CPB1: variants seen among roughly 807,000 people sequenced by gnomAD.
CPB1 encodes carboxypeptidase B1, also known as carboxypeptidase B.
Under a neutral mutation model 51.4 loss-of-function variants are expected in CPB1, and 53 were observed. That is an observed-to-expected ratio of 1.03 (90% CI 0.83 to 1.30). The LOEUF is 1.30. Ranked by LOEUF, CPB1 falls within the 50% of genes most tolerant of loss-of-function variation. CPB1 has a pLI of 0.00. For missense variants in CPB1, 494 were observed against 516.2 expected (o/e 0.96, Z 0.42); for synonymous variants, 189 against 186.9 (o/e 1.01, Z -0.09).
intron 3 of CPB1, among the ~76,000 whole-genome samples, chr3:148,840,447 G>T (rs1713040142): frequency 6.6e-6 from 1 of 152,180 alleles, no homozygotes; most frequent in African/African-American, 2.4e-5. Flanking sequence ...GGCTGTGGAA[G>T]ATCCTACCTT....
intron 6 of CPB1, 147 bp from the exon 7 acceptor site, chr3:148,844,331 C>T: frequency 1.9e-6 from 1 of 534,782 alleles, no homozygotes; most frequent in East Asian, 3.0e-5. Flanking sequence ...TAGTAATTTG[C>T]TGATTGCTTT....
intron 2 of CPB1, among the ~76,000 whole-genome samples, chr3:148,828,333 C>T (rs1238818042): frequency 2.0e-5 from 3 of 152,176 alleles, no homozygotes; most frequent in Non-Finnish European, 4.4e-5. Context: ...TTGCAACTGT[C>T]ACGAAGGTCA....
At chr3:148,848,119 A>G (rs1485137213) in intron 9 of CPB1, among the ~76,000 whole-genome samples, 5 of 152,164 alleles carry the variant, frequency 3.3e-5, no homozygotes, top group African/African-American at 1.2e-4. Flanking sequence ...GTAGAATTCT[A>G]GTTTACTTAC....
intron 9 of CPB1, among the ~76,000 whole-genome samples, chr3:148,846,792 C>CTT (rs1713257828): frequency 2.9e-5 from 2 of 68,560 alleles, no homozygotes; most frequent in African/African-American, 4.9e-5. Flanking sequence ...TGTGTGTGTG[C>CTT]GTGTGTATAT....
intron 9 of CPB1, among the ~76,000 whole-genome samples, chr3:148,845,836 C>T (rs868763878): frequency 3.3e-5 from 5 of 152,106 alleles, no homozygotes; most frequent in African/African-American, 1.2e-4. Flanking sequence ...TCCCCACATG[C>T]GATTTATTGA....
intron 9 of CPB1, among the ~76,000 whole-genome samples, chr3:148,852,247 T>G (rs1468433568): frequency 6.6e-6 from 1 of 152,222 alleles, no homozygotes; most frequent in Admixed American, 6.5e-5. Flanking sequence ...AACTAAATAT[T>G]TTATATGACT....
chr3:148,849,892 C>G (rs938812434), intron 9 of CPB1, among the ~76,000 whole-genome samples: 1 of 152,236 alleles, frequency 6.6e-6, no homozygotes, highest in African/African-American at 2.4e-5. Flanking sequence ...ATCTTCTAGG[C>G]TGCCTCAATT....
At chr3:148,850,154 T>C (rs573952378) in intron 9 of CPB1, among the ~76,000 whole-genome samples, 1 of 152,198 alleles carries the variant, frequency 6.6e-6, no homozygotes, top group Non-Finnish European at 1.5e-5. Flanking sequence ...AAGATAACAG[T>C]AACCAGAAGA....
rs777434577 is a variant in CPB1 at position 148,859,997 on chromosome 3, T to C, written c.1249T>C (p.Tyr417His). The C allele has an allele frequency of 6.2e-6, 10 of 1,608,666 alleles. 1 individual carries two copies. The South Asian group carries it at 7.7e-5, about 12-fold the overall frequency. The change falls in exon 11 of 11, where the codon TAC becomes CAC. Residue 417 changes from tyrosine to histidine, a missense_variant. By Grantham distance (83) the Tyr-to-His change is moderately conservative (BLOSUM62 2). Transcript: ENST00000282957. ...YVASYVLEHL[Y>H] The stretch of plus-strand genomic sequence containing the variant: ...TGCCAGCTACGTCCTGGAACACCTG[T>C]ACTAGTTGAGAAAGCTGATGGCCTT...
intron 2 of CPB1, among the ~76,000 whole-genome samples, chr3:148,832,425 T>C (rs1268495938): frequency 6.6e-6 from 1 of 151,616 alleles, no homozygotes; most frequent in African/African-American, 2.4e-5. Context: ...GCTAGCATCT[T>C]AATACAGGCT....
At position 148,853,027 on chromosome 3, in the gene CPB1, A is replaced by G. The variant is rs73866678; in HGVS notation, c.982-4430A>G. On this transcript the variant is annotated intron_variant, in intron 9 of 10. Coordinates refer to ENST00000282957, the MANE Select transcript of CPB1 (RefSeq NM_001871.3). ...CAAAATTATAAAAGTTAAGTTTCTT[A>G]TTGGTCCCTTGGTGTAATTTACCCA... 6.8e-3 allele frequency among the ~76,000 whole-genome samples: 1,030 copies of G among 152,258 alleles called. 9 individuals carry two copies. Among genetic ancestry groups the G allele is most frequent in the African/African-American group, 0.023 (956 of 41,542 alleles).
chr3:148,840,628 G>A (rs1713045915), intron 3 of CPB1, 58 bp from the exon 4 acceptor site: 2 of 1,460,472 alleles, frequency 1.4e-6, no homozygotes, highest in Admixed American at 1.7e-5. Context: ...TTTTATGTGT[G>A]TTCACTGGAG....
Position 148,834,522 on chromosome 3 carries a change from G to A in CPB1, c.172G>A (p.Val58Ile), listed in dbSNP as rs775037638. Residue 58 changes from valine to isoleucine, a missense_variant, in exon 3 of 11, where the codon GTC becomes ATC. Val to Ile is a conservative substitution (Grantham distance 29). Coordinates refer to ENST00000282957, the MANE Select transcript of CPB1 (RefSeq NM_001871.3). Reference protein sequence around the residue: ...TQIDFWKPDSVTQIKPHSTVD... With the variant: ...TQIDFWKPDSITQIKPHSTVD... ...GATTGACTTCTGGAAGCCAGATTCTGTCACACAAATCAAACCTCACAGTAC... is the reference window on the plus strand; with the variant it reads ...GATTGACTTCTGGAAGCCAGATTCTATCACACAAATCAAACCTCACAGTAC... 2 of 1,613,656 alleles carry A rather than the reference G, an allele frequency of 1.2e-6. No homozygotes were observed. Among genetic ancestry groups the A allele is most frequent in the South Asian group, 2.2e-5 (2 of 91,064 alleles).
In CPB1 at chr3:148,840,980, T is replaced by C. The variant is rs1436596758; in HGVS notation, c.474+5T>C. The C allele has an allele frequency of 6.2e-7, 1 of 1,610,596 alleles. No individual in the cohort carries two copies. The highest frequency in any genetic ancestry group is 1.3e-5 in the African/African-American group (1 of 74,920). ...CGCGCTATTTACCTCCTGAAGGTAA[T>C]CATTTTTAACCATGACCTTGCCATG... On this transcript the variant is annotated splice_donor_5th_base_variant and intron_variant, in intron 5 of 10. Coordinates refer to ENST00000282957, the MANE Select transcript of CPB1 (RefSeq NM_001871.3).
chr3:148,846,797 G>A (rs868418205), intron 9 of CPB1, among the ~76,000 whole-genome samples: 5 of 50,538 alleles, frequency 9.9e-5, no homozygotes, highest in East Asian at 1.6e-3. Context: ...GTGTGCGTGT[G>A]TATATATATA....
intron 9 of CPB1, among the ~76,000 whole-genome samples, chr3:148,853,551 T>A (rs773741294): frequency 2.6e-5 from 4 of 152,186 alleles, no homozygotes; most frequent in Non-Finnish European, 4.4e-5. Context: ...AGGAAACAGA[T>A]GACAAAAGAG....
In CPB1 at chr3:148,857,488, T is replaced by G; in HGVS notation, c.1013T>G (p.Leu338Arg). 1 of 1,614,026 alleles carries G rather than the reference T, an allele frequency of 6.2e-7. No individual in the cohort carries two copies. The highest frequency in any genetic ancestry group is 1.1e-5 in the South Asian group (1 of 91,078). ...CTGGCTAAAGCTACTGTGAAAGAACTTGCCTCACTGCACGGCACCAAGTAC... is the reference window on the plus strand; with the variant it reads ...CTGGCTAAAGCTACTGTGAAAGAACGTGCCTCACTGCACGGCACCAAGTAC... ...NALAKATVKELASLHGTKYTY... is the reference protein window; with the variant it reads ...NALAKATVKERASLHGTKYTY... Residue 338 changes from leucine to arginine, a missense_variant, in exon 10 of 11, where the codon CTT becomes CGT. Transcript: ENST00000282957.
chr3:148,855,133 A>G (rs557821769), intron 9 of CPB1: 2 of 152,306 alleles, frequency 1.3e-5, no homozygotes, highest in African/African-American at 4.8e-5. Flanking sequence ...GTTTTTGCCA[A>G]AAGAGGTTTG....
In CPB1 at chr3:148,827,838, G is replaced by T. The variant is rs1317769487; in HGVS notation, c.15G>T (p.Leu5Phe). 1 of 1,614,030 alleles carries T rather than the reference G, an allele frequency of 6.2e-7. No homozygotes were observed. The highest frequency in any genetic ancestry group is 1.3e-5 in the African/African-American group (1 of 74,920). ...GGTCAGACACAATGTTGGCACTCTT[G>T]GTTCTGGTGACTGTGGCCCTGGCAT... MLAL[L>F]VLVTVALASA... Residue 5 changes from leucine (L) to phenylalanine (F), a missense_variant, in exon 1 of 11, where the codon TTG becomes TTT. Leu to Phe is a conservative substitution (Grantham distance 22, BLOSUM62 0). Coordinates refer to ENST00000282957, the MANE Select transcript of CPB1 (RefSeq NM_001871.3).
Sources: allele counts gnomAD v4.1 joint callset (sites outside exome capture counted in the v4.1 genomes callset), GRCh38; gene constraint gnomAD v4.1.1; transcripts MANE v1.5; gene names NCBI Gene and HGNC (gene_info 2026-07-23, HGNC 2026-07-21).